The following IGSF3 variants were observed in gnomAD, a reference collection of about 807,000 sequenced individuals.
IGSF3 encodes glu-Trp-Ile EWI motif-containing protein 3.
IGSF3 carries 23 observed loss-of-function variants against 114.4 expected under a neutral mutation model. The ratio of observed to expected loss-of-function variants is 0.20; its 90% CI spans 0.14 to 0.28. The LOEUF is 0.28. IGSF3 is among the 10% of genes least tolerant of loss of function. IGSF3 has a pLI of 1.00. For missense variants in IGSF3, 1,172 were observed against 1,591.5 expected (o/e 0.74, Z 4.48); for synonymous variants, 571 against 645.2 (o/e 0.88, Z 1.74).
chr1:116,613,824 G>A lies in IGSF3; in HGVS notation c.773C>T (p.Ser258Leu), dbSNP rs953643922. The change falls in exon 4 of 11, where the codon TCG becomes TTG. Residue 258 changes from serine to leucine, a missense_variant. Physicochemically the swap from Ser to Leu is moderately radical, Grantham distance 145. This residue lies in a region of IGSF3 where 736 missense variants were observed against 1,042.0 expected (regional missense o/e 0.71). Coordinates refer to ENST00000369486, the MANE Select transcript of IGSF3 (RefSeq NM_001007237.3). The stretch of plus-strand genomic sequence containing the variant: ...ACGCTTTCGGGTCATAGCATACCAC[G>A]ACCCATCCGGATCCTGGATCCACTC... ...AAEWIQDPDG[S>L]WYAMTRKRSE... is the part of the protein sequence containing the mutation. 13 of 1,613,824 alleles carry A rather than the reference G, an allele frequency of 8.1e-6. No individual in the cohort carries two copies. Among genetic ancestry groups the A allele is most frequent in the African/African-American group, 5.3e-5 (4 of 74,910 alleles).
Position 116,614,099 on chromosome 1 carries a change from A to G in IGSF3, c.498T>C (p.Thr166=). 1.9e-6 allele frequency: 3 copies of G among 1,614,068 alleles called. No homozygotes were observed. Among genetic ancestry groups the G allele is most frequent in the Non-Finnish European group, 2.5e-6 (3 of 1,179,996 alleles). ...HRVEQDPLEL[T]CEVASETIQH... is the part of the protein sequence containing the mutation. ...GAATGGTCTCTGAGGCCACCTCACAAGTGAGCTCCAGCGGGTCCTGCTCCA... is the reference window on the plus strand; with the variant it reads ...GAATGGTCTCTGAGGCCACCTCACAGGTGAGCTCCAGCGGGTCCTGCTCCA... The change falls in exon 4 of 11, where the codon ACT becomes ACC. Residue 166 remains threonine, a synonymous_variant. Transcript: ENST00000369486. This position sits in a 1 kb window ranked among gnomAD's most constrained non-coding sequence, Gnocchi z 4.5.
chr1:116,578,119 G>A (rs1265336890), intron 10 of IGSF3, among the ~76,000 whole-genome samples: 2 of 152,180 alleles, frequency 1.3e-5, no homozygotes, highest in Non-Finnish European at 2.9e-5. Context: ...CACAGTATTA[G>A]TTATAGCTGG....
At chr1:116,640,787 A>G (rs1426019809) in intron 2 of IGSF3, among the ~76,000 whole-genome samples, 1 of 152,198 alleles carries the variant, frequency 6.6e-6, no homozygotes, top group Non-Finnish European at 1.5e-5. Flanking sequence ...CACACTAGGC[A>G]TTGCCCAAAT....
rs1314406562 is a variant in IGSF3, at chr1:116,636,954, G to T, written c.44-20497C>A. On this transcript the variant is annotated intron_variant, in intron 2 of 10. Transcript: ENST00000369486. The surrounding 1 kb of genome is among the most constrained non-coding windows in gnomAD (Gnocchi z 4.5). ...TCTACTTGACATTCTTTCAAATCAG[G>T]GCATTTTATCTAGAAATTATAAAAA... Among the ~76,000 whole-genome samples, 1 of 152,084 alleles carries T rather than the reference G, an allele frequency of 6.6e-6. No individual in the cohort carries two copies. Among genetic ancestry groups the T allele is most frequent in the African/African-American group, 2.4e-5 (1 of 41,408 alleles).
At position 116,585,073 on chromosome 1, in the gene IGSF3, C is replaced by G. The variant is rs369370630; in HGVS notation, c.2441-21G>C. 1 of 1,502,416 alleles carries G rather than the reference C, an allele frequency of 6.7e-7. No individual in the cohort carries two copies. The highest frequency in any genetic ancestry group is 2.3e-5 in the Admixed American group (1 of 44,136). 93.1% of individuals were successfully genotyped at this position (1,502,416 alleles called of 1,614,324 possible). ...GCTGTCTGGAACAGTAAGGAAGAGA[C>G]GTCAGCGACAAAAGGACAACAAGCA... is the stretch of plus-strand genomic sequence containing the variant. On this transcript the variant is annotated intron_variant, in intron 8 of 10. Transcript: ENST00000369486. The surrounding 1 kb of genome is among the most constrained non-coding windows in gnomAD (Gnocchi z 4.9).
At chr1:116,663,294 C>T (rs1302399322) in intron 2 of IGSF3, among the ~76,000 whole-genome samples, 1 of 152,146 alleles carries the variant, frequency 6.6e-6, no homozygotes, top group East Asian at 1.9e-4. Context: ...CTTCCCATGT[C>T]ACTGTCACTC....
Position 116,589,578 on chromosome 1 carries a change from C to T in IGSF3, c.2030-474G>A, listed in dbSNP as rs1249924334. 6.6e-6 allele frequency among the ~76,000 whole-genome samples: 1 copy of T among 152,122 alleles called. No individual in the cohort carries two copies. Among genetic ancestry groups the T allele is most frequent in the Non-Finnish European group, 1.5e-5 (1 of 68,020 alleles). ...AGGCGCATGCCCCTGGTGCAGTTTC[C>T]CTGAGCCCTGGCCTTTGCCCTTGCT... On this transcript the variant is annotated intron_variant, in intron 7 of 10. Transcript: ENST00000369486. The surrounding 1 kb of genome is among the most constrained non-coding windows in gnomAD (Gnocchi z 5.7).
chr1:116,639,718 CT>C (rs1278910479), intron 2 of IGSF3, among the ~76,000 whole-genome samples: 4 of 152,176 alleles, frequency 2.6e-5, no homozygotes, highest in Non-Finnish European at 4.4e-5. Flanking sequence ...TCACTGGCCT[CT>C]AGGAATCCAT....
rs899569190 is a variant in IGSF3 at position 116,584,919 on chromosome 1, C to A, written c.2574G>T (p.Lys858Asn). ...CAGTCTCCCGCTCAGGGTGGTTGGG[C>A]TTCCATACAAACCATTCCACCATGA... ...SQLMVEWFVWKPNHPERETVA... is the reference protein window; with the variant it reads ...SQLMVEWFVWNPNHPERETVA... Residue 858 changes from lysine to asparagine, a missense_variant, in exon 9 of 11, where the codon AAG (lysine) becomes AAT (asparagine). By Grantham distance (94) the Lys-to-Asn change is moderately conservative. Around this residue, in one of 3 missense-constraint regions of IGSF3, gnomAD observed 423 missense variants for 509.8 expected, o/e 0.83. Coordinates refer to ENST00000369486, the MANE Select transcript of IGSF3 (RefSeq NM_001007237.3). This position sits in a 1 kb window ranked among gnomAD's most constrained non-coding sequence, Gnocchi z 5.8. 6.2e-7 allele frequency: 1 copy of A among 1,614,086 alleles called. No individual in the cohort carries two copies. The highest frequency in any genetic ancestry group is 1.1e-5 in the South Asian group (1 of 91,070).
intron 2 of IGSF3, among the ~76,000 whole-genome samples, chr1:116,656,588 G>A (rs1368286262): frequency 6.6e-6 from 1 of 151,484 alleles, no homozygotes; most frequent in Non-Finnish European, 1.5e-5. Context: ...CTACATTCTT[G>A]TAACAGAATT....
rs1047783430 is a variant in IGSF3 at position 116,664,046 on chromosome 1, G to A, written c.43+2238C>T. ...CATGGGTTTTGCTCCCTCCCCAAAC[G>A]CCTTCTACCTCTCCCAGATTAGTAA... On this transcript the variant is annotated intron_variant, in intron 2 of 10. Coordinates refer to ENST00000369486, the MANE Select transcript of IGSF3 (RefSeq NM_001007237.3). This position sits in a 1 kb window ranked among gnomAD's most constrained non-coding sequence, Gnocchi z 4.6. Among the ~76,000 whole-genome samples the A allele has an allele frequency of 6.6e-5, 10 of 152,152 alleles. No homozygotes were observed. Among genetic ancestry groups the A allele is most frequent in the African/African-American group, 1.7e-4 (7 of 41,432 alleles).
chr1:116,663,259 G>A lies in IGSF3; in HGVS notation c.43+3025C>T, dbSNP rs905511991. On this transcript the variant is annotated intron_variant, in intron 2 of 10. Coordinates refer to ENST00000369486, the MANE Select transcript of IGSF3 (RefSeq NM_001007237.3). ...CTGTTCTTACAGACACAAATCCTAT[G>A]CTCTCTTTCCCACATTGCTGTCATC... 5.3e-5 allele frequency among the ~76,000 whole-genome samples: 8 copies of A among 152,100 alleles called. No individual in the cohort carries two copies. The East Asian group carries it at 1.5e-3, about 29-fold the overall frequency.
At chr1:116,606,340 T>C in intron 5 of IGSF3, 6 of 879,044 alleles carry the variant, frequency 6.8e-6, no homozygotes, top group Non-Finnish European at 8.9e-6. Context: ...ATGGATATCA[T>C]ATTGGCCTCT....
intron 6 of IGSF3, among the ~76,000 whole-genome samples, chr1:116,601,413 A>G (rs181696160): frequency 6.6e-6 from 1 of 152,214 alleles, no homozygotes; most frequent in Non-Finnish European, 1.5e-5. Flanking sequence ...CAGCTGAGTG[A>G]CATTAAAGTT....
At position 116,644,377 on chromosome 1, in the gene IGSF3, G is replaced by A. The variant is rs1648243291; in HGVS notation, c.43+21907C>T. On this transcript the variant is annotated intron_variant, in intron 2 of 10. Coordinates refer to ENST00000369486, the MANE Select transcript of IGSF3 (RefSeq NM_001007237.3). This position sits in a 1 kb window ranked among gnomAD's most constrained non-coding sequence, Gnocchi z 5.6. ...ACGGGAGATGCGCCATATAACAGCA[G>A]CAGTTCCACACAGCCCTGCACAGCA... Among the ~76,000 whole-genome samples, 1 of 152,334 alleles carries A rather than the reference G, an allele frequency of 6.6e-6. No homozygotes were observed. Among genetic ancestry groups the A allele is most frequent in the South Asian group, 2.1e-4 (1 of 4,826 alleles).
Position 116,600,335 on chromosome 1 carries a change from G to A in IGSF3, c.1635C>T (p.Phe545=), listed in dbSNP as rs148054551. 1.8e-4 allele frequency: 289 copies of A among 1,607,632 alleles called. 1 individual carries two copies. Among genetic ancestry groups the A allele is most frequent in the African/African-American group, 8.0e-4 (60 of 74,934 alleles). ...GTGTCCGGGAGATGGCTGTGACTGCGAAGCCCATTTCTGGAGAGAAAGCAG... is the reference window on the plus strand; with the variant it reads ...GTGTCCGGGAGATGGCTGTGACTGCAAAGCCCATTTCTGGAGAGAAAGCAG... ...PISITALEMG[F]AVTAISRTPG... The change falls in exon 7 of 11, where the codon TTC becomes TTT. Residue 545 remains phenylalanine, a synonymous_variant. Coordinates refer to ENST00000369486, the MANE Select transcript of IGSF3 (RefSeq NM_001007237.3). The surrounding 1 kb of genome is among the most constrained non-coding windows in gnomAD (Gnocchi z 5.5).
rs545137063 is a variant in IGSF3 at position 116,610,274 on chromosome 1, C to T, written c.833-1943G>A. Among the ~76,000 whole-genome samples the T allele has an allele frequency of 1.3e-5, 2 of 152,272 alleles. No individual in the cohort carries two copies. Among genetic ancestry groups the T allele is most frequent in the East Asian group, 3.9e-4 (2 of 5,190 alleles). On this transcript the variant is annotated intron_variant, in intron 4 of 10. Transcript: ENST00000369486. This position sits in a 1 kb window ranked among gnomAD's most constrained non-coding sequence, Gnocchi z 4.3. ...ACCACTGGAGCTGTGCAAGGGGTAC[C>T]CTAGACCTCAGACCTTTCCGTTGCT...
At chr1:116,631,914 A>G (rs564066074) in intron 2 of IGSF3, among the ~76,000 whole-genome samples, 1 of 152,342 alleles carries the variant, frequency 6.6e-6, no homozygotes, top group African/African-American at 2.4e-5. Context: ...ATTCAAGGCC[A>G]CTTTAAAATA....
Position 116,638,979 on chromosome 1 carries a change from A to C in IGSF3, c.44-22522T>G, listed in dbSNP as rs1303899016. 6.6e-6 allele frequency among the ~76,000 whole-genome samples: 1 copy of C among 152,218 alleles called. No homozygotes were observed. The highest frequency in any genetic ancestry group is 1.5e-5 in the Non-Finnish European group (1 of 68,034). On this transcript the variant is annotated intron_variant, in intron 2 of 10. Transcript: ENST00000369486. This position sits in a 1 kb window ranked among gnomAD's most constrained non-coding sequence, Gnocchi z 4.1. ...GGAAAAAAGTCACAGGTAGGAAGAC[A>C]AGCATAGAATTAAGAACAAAGCAAC...
Sources: allele counts gnomAD v4.1 joint callset (sites outside exome capture counted in the v4.1 genomes callset), GRCh38; gene constraint gnomAD v4.1.1; regional missense constraint gnomAD v4.1.1; non-coding constraint Gnocchi (gnomAD v3.1); transcripts MANE v1.5; gene names NCBI Gene and HGNC (gene_info 2026-07-23, HGNC 2026-07-21).